MCF2: variants seen among roughly 807,000 people sequenced by gnomAD.
MCF2 encodes the protein proto-oncogene DBL.
Under a neutral mutation model 82.5 loss-of-function variants are expected in MCF2, and 44 were observed. The ratio of observed to expected loss-of-function variants is 0.53; its 90% CI spans 0.42 to 0.69. The LOEUF (loss-of-function observed/expected upper bound fraction) is 0.69. Among genes scored for constraint, MCF2 ranks in the 30% least tolerant of loss-of-function variants. MCF2 has a pLI of 0.00. For missense variants in MCF2, 623 were observed against 663.1 expected (o/e 0.94, Z 0.66); for synonymous variants, 217 against 224.9 (o/e 0.96, Z 0.32).
chrX:139,701,236 G>A (rs985750066), intron 1 of MCF2, among the ~76,000 whole-genome samples: 1 of 111,760 alleles, frequency 8.9e-6, no homozygotes, highest in African/African-American at 3.3e-5. Flanking sequence ...AGTTTTTCTA[G>A]ATCTCACCCT....
intron 19 of MCF2, among the ~76,000 whole-genome samples, chrX:139,590,562 T>C (rs752192522): frequency 1.9e-5 from 2 of 105,486 alleles, no homozygotes; most frequent in South Asian, 7.8e-4. Context: ...CCTTATTCCT[T>C]ACCACAATTT....
chrX:139,635,367 A>C, intron 1 of MCF2, among the ~76,000 whole-genome samples: 1 of 111,478 alleles, frequency 9.0e-6, no homozygotes. Context: ...TATAATATGT[A>C]TTTTCCAGCT....
chrX:139,616,347 A>G (rs1220228633), exon 9 of MCF2: 1 of 1,169,805 alleles, frequency 8.5e-7, no homozygotes, highest in South Asian at 2.0e-5. Context: ...TAATTTATAA[A>G]GGGTAGAGCC....
intron 1 of MCF2, among the ~76,000 whole-genome samples, chrX:139,672,437 C>A (rs941047406): frequency 8.9e-6 from 1 of 112,555 alleles, no homozygotes; most frequent in South Asian, 3.7e-4. Context: ...TTCAGTATGA[C>A]ATTGGCTGTG....
At chrX:139,620,803 C>T (rs1406645192) in intron 6 of MCF2, among the ~76,000 whole-genome samples, 2 of 111,556 alleles carry the variant, frequency 1.8e-5, no homozygotes, top group Non-Finnish European at 3.8e-5. Context: ...AAATAATCTG[C>T]CAATTCAATG....
At chrX:139,608,188 A>T (rs1315364953) in intron 11 of MCF2, among the ~76,000 whole-genome samples, 1 of 110,747 alleles carries the variant, frequency 9.0e-6, no homozygotes, top group African/African-American at 3.3e-5. Flanking sequence ...GACACACGAC[A>T]TAACTGATCC....
intron 2 of MCF2, among the ~76,000 whole-genome samples, chrX:139,650,803 A>G (rs1041765555): frequency 8.9e-6 from 1 of 112,103 alleles, no homozygotes; most frequent in Non-Finnish European, 1.9e-5. Context: ...CAATGGATGA[A>G]CAGATAAACA....
At chrX:139,624,353 C>G (rs982499328) in intron 6 of MCF2, among the ~76,000 whole-genome samples, 6 of 109,514 alleles carry the variant, frequency 5.5e-5, no homozygotes, top group Non-Finnish European at 1.1e-4. Flanking sequence ...CCAGCCTGGG[C>G]AACACAGTGA....
chrX:139,596,435 C>A, intron 19 of MCF2, 114 bp downstream of exon 23: 1 of 515,346 alleles, frequency 1.9e-6, no homozygotes, highest in South Asian at 3.2e-5. Flanking sequence ...TTAAAAAAAA[C>A]AAAGATGTGC....
intron 24 of MCF2, 129 bp from the exon 29 acceptor site, chrX:139,582,632 TTA>T (rs1272353049): frequency 4.7e-6 from 2 of 428,034 alleles, no homozygotes; most frequent in East Asian, 3.8e-5. Context: ...TGTTGCTCTT[TTA>T]TATGTTTTCC....
chrX:139,615,105 A>G, intron 9 of MCF2, 53 bp from the exon 13 acceptor site: 1 of 933,351 alleles, frequency 1.1e-6, no homozygotes, highest in Non-Finnish European at 1.5e-6. Flanking sequence ...AGGTCATTAC[A>G]AACCCCATTA....
chrX:139,664,515 T>C (rs775640277), intron 1 of MCF2, among the ~76,000 whole-genome samples: 2 of 111,430 alleles, frequency 1.8e-5, no homozygotes, highest in South Asian at 7.7e-4. Flanking sequence ...CCAAGGGATC[T>C]TTAATCAGCT....
intron 1 of MCF2, among the ~76,000 whole-genome samples, chrX:139,672,787 G>A (rs947327025): frequency 5.4e-5 from 6 of 111,458 alleles, no homozygotes; most frequent in Admixed American, 9.5e-5. Flanking sequence ...TTTTTTTGTT[G>A]TGTCTCTGCC....
At chrX:139,616,225 C>T in intron 9 of MCF2, 57 bp downstream of exon 12, 1 of 735,200 alleles carries the variant, frequency 1.4e-6, no homozygotes, top group Non-Finnish European at 1.8e-6. Flanking sequence ...CTCCTACCCA[C>T]AGTACTGCAA....
intron 1 of MCF2, among the ~76,000 whole-genome samples, chrX:139,701,857 C>A (rs1297750368): frequency 8.9e-6 from 1 of 112,456 alleles, no homozygotes; most frequent in Non-Finnish European, 1.9e-5. Flanking sequence ...CAGAAGTCAC[C>A]AAATGCAAAA....
rs112784584 is a variant in MCF2, at chrX:139,633,287, G to C, written c.52-833C>G. On this transcript the variant is annotated intron_variant, in intron 1 of 24. Coordinates refer to ENST00000370576, the Ensembl canonical transcript of MCF2. ...AAGAATTCAAAAGACAAAGAAGGAG[G>C]ACACATTGCAAAATAAGTGGAGAAC... 9.1e-3 allele frequency among the ~76,000 whole-genome samples: 1,003 copies of C among 110,628 alleles called. 13 individuals carry two copies. The highest frequency in any genetic ancestry group is 0.029 in the African/African-American group (897 of 30,427).
At chrX:139,641,183 AAT>A (rs1159886213) in intron 1 of MCF2, among the ~76,000 whole-genome samples, 1 of 106,001 alleles carries the variant, frequency 9.4e-6, no homozygotes, top group East Asian at 2.8e-4. Flanking sequence ...TATATATATA[AAT>A]ATATATATAA....
chrX:139,643,822 A>G (rs1933695145), upstream of MCF2, among the ~76,000 whole-genome samples: 1 of 111,652 alleles, frequency 9.0e-6, no homozygotes, highest in Admixed American at 9.6e-5. Context: ...CAAGCCACCT[A>G]TTTTGAATAA....
intron 4 of MCF2, among the ~76,000 whole-genome samples, chrX:139,628,237 T>C (rs959606386): frequency 2.7e-5 from 3 of 111,764 alleles, no homozygotes; most frequent in Non-Finnish European, 5.6e-5. Flanking sequence ...TGCCCATCAA[T>C]GGTGGACTGT....
Sources: allele counts gnomAD v4.1 joint callset (sites outside exome capture counted in the v4.1 genomes callset), GRCh38; gene constraint gnomAD v4.1.1; transcripts MANE v1.5; gene names NCBI Gene and HGNC (gene_info 2026-07-23, HGNC 2026-07-21).